Variants in GAS2 observed in about 807,000 individuals in gnomAD.
GAS2 encodes the protein growth arrest-specific protein 2.
A neutral mutation model predicts 37.5 loss-of-function variants in GAS2; 20 were observed. The ratio of observed to expected loss-of-function variants is 0.53; its 90% CI spans 0.37 to 0.77. GAS2 has a LOEUF of 0.77. Among genes scored for constraint, GAS2 ranks in the 30% least tolerant of loss-of-function variants. GAS2 has a pLI of 0.00. For synonymous variants in GAS2, 144 were observed against 132.2 expected, an observed-to-expected ratio of 1.09 and a Z score of -0.61; for missense variants, 336 against 373.4, an observed-to-expected ratio of 0.90 and a Z score of 0.82.
chr11:22,628,521 CA>C (rs1322794676), intron 1 of GAS2, among the ~76,000 whole-genome samples: 1 of 152,180 alleles, frequency 6.6e-6, no homozygotes, highest in African/African-American at 2.4e-5. Context: ...GGCCAAATTT[CA>C]GCAGATTTTA....
chr11:22,726,461 G>A, intron 4 of GAS2, 28 bp downstream of exon 4: 1 of 1,585,016 alleles, frequency 6.3e-7, no homozygotes, highest in Non-Finnish European at 8.6e-7. Flanking sequence ...AATTTTAGTT[G>A]ATAAGATACG....
chr11:22,792,322 A>G (rs1196751351), intron 7 of GAS2, among the ~76,000 whole-genome samples: 1 of 152,208 alleles, frequency 6.6e-6, no homozygotes, highest in Non-Finnish European at 1.5e-5. Context: ...TCAGATGGGA[A>G]TAATTTATAC....
chr11:22,808,855 G>T (rs866019899), intron 7 of GAS2, among the ~76,000 whole-genome samples: 2 of 152,222 alleles, frequency 1.3e-5, no homozygotes, highest in African/African-American at 4.8e-5. Context: ...AATTTTGGAA[G>T]CTGGCAGTAA....
chr11:22,707,130 A>G (rs1238435876), intron 3 of GAS2, among the ~76,000 whole-genome samples: 3 of 152,164 alleles, frequency 2.0e-5, no homozygotes, highest in Non-Finnish European at 4.4e-5. Context: ...TTGGTGATAA[A>G]TTGTATAGAA....
At chr11:22,716,621 C>T (rs2134113177) in intron 3 of GAS2, among the ~76,000 whole-genome samples, 1 of 144,132 alleles carries the variant, frequency 6.9e-6, no homozygotes, top group East Asian at 2.0e-4. Context: ...GCCTGGGTAA[C>T]ACACACAGTA....
chr11:22,761,642 G>C (rs1219200579), intron 7 of GAS2, among the ~76,000 whole-genome samples: 2 of 152,090 alleles, frequency 1.3e-5, no homozygotes, highest in African/African-American at 4.8e-5. Flanking sequence ...AGTTGAAACA[G>C]GTTTCTTTAA....
chr11:22,791,701 G>T (rs2134577754), intron 7 of GAS2, among the ~76,000 whole-genome samples: 1 of 152,222 alleles, frequency 6.6e-6, no homozygotes, highest in Non-Finnish European at 1.5e-5. Flanking sequence ...TAAGACAAAT[G>T]AAGGAATGAA....
intron 2 of GAS2, among the ~76,000 whole-genome samples, chr11:22,677,830 G>T (rs1590615654): frequency 6.6e-6 from 1 of 152,204 alleles, no homozygotes; most frequent in Middle Eastern, 3.4e-3. Context: ...TAAAATGAAG[G>T]GGTTGAAGTA....
intron 7 of GAS2, among the ~76,000 whole-genome samples, chr11:22,781,175 C>T (rs1478920828): frequency 1.3e-5 from 2 of 152,108 alleles, no homozygotes; most frequent in Non-Finnish European, 1.5e-5. Flanking sequence ...CAAGGGACAG[C>T]CCACACACAC....
chr11:22,704,029 A>T (rs1413584294), intron 3 of GAS2, among the ~76,000 whole-genome samples: 1 of 152,174 alleles, frequency 6.6e-6, no homozygotes, highest in Non-Finnish European at 1.5e-5. Context: ...AAAAATTGTT[A>T]AAAAAGAATT....
chr11:22,729,462 A>G (rs1006821005), intron 4 of GAS2, among the ~76,000 whole-genome samples: 1 of 151,790 alleles, frequency 6.6e-6, no homozygotes, highest in Admixed American at 6.6e-5. Context: ...TGTCTTTTTT[A>G]TGCTTGGCAG....
chr11:22,676,932 G>A (rs1014786186), intron 2 of GAS2, among the ~76,000 whole-genome samples: 2 of 152,056 alleles, frequency 1.3e-5, no homozygotes, highest in Non-Finnish European at 2.9e-5. Context: ...ATTGTTGGGG[G>A]TTTGAATGAG....
intron 1 of GAS2, among the ~76,000 whole-genome samples, chr11:22,654,515 C>T (rs555081636): frequency 3.2e-4 from 49 of 152,134 alleles, no homozygotes; most frequent in Middle Eastern, 3.4e-3. Flanking sequence ...CCCACCTTAG[C>T]CTCCTGAGAG....
upstream of GAS2, among the ~76,000 whole-genome samples, chr11:22,662,381 A>G (rs974834917): frequency 6.6e-6 from 1 of 152,226 alleles, no homozygotes; most frequent in Non-Finnish European, 1.5e-5. Flanking sequence ...TAGAGACAAT[A>G]TATAAAGATA....
At chr11:22,754,599 GT>G (rs140761859) in intron 6 of GAS2, among the ~76,000 whole-genome samples, 26,790 of 151,268 alleles carry the variant, frequency 0.18, 2,562 homozygotes, top group East Asian at 0.37. Flanking sequence ...TAATTTCAGG[GT>G]TTTTTTCCTT....
At chr11:22,635,031 G>A (rs886898708) in intron 1 of GAS2, among the ~76,000 whole-genome samples, 34 of 152,172 alleles carry the variant, frequency 2.2e-4, no homozygotes, top group African/African-American at 7.7e-4. Context: ...AATGGACTGT[G>A]TCAGTTGGCC....
chr11:22,798,598 T>C (rs1367092868), intron 7 of GAS2, among the ~76,000 whole-genome samples: 1 of 152,076 alleles, frequency 6.6e-6, no homozygotes, highest in African/African-American at 2.4e-5. Context: ...AAAAAAATGC[T>C]TGTAAAGAGT....
intron 7 of GAS2, among the ~76,000 whole-genome samples, chr11:22,757,209 A>T (rs1564873629): frequency 6.6e-6 from 1 of 152,064 alleles, no homozygotes. Context: ...TATATATTAC[A>T]TATGTTTATT....
At chr11:22,791,623 A>G (rs1415778157) in intron 7 of GAS2, among the ~76,000 whole-genome samples, 1 of 152,228 alleles carries the variant, frequency 6.6e-6, no homozygotes, top group Non-Finnish European at 1.5e-5. Context: ...GGGAGAATGA[A>G]TCACAAAGTG....
Sources: gnomAD v4.1 joint callset for allele counts (sites outside exome capture counted in the v4.1 genomes callset) on GRCh38, gnomAD v4.1.1 for gene constraint, MANE v1.5 for transcripts, NCBI Gene and HGNC (gene_info 2026-07-23, HGNC 2026-07-21) for gene names.